APBB1IP: variants seen among roughly 807,000 people sequenced by gnomAD.
The protein encoded by APBB1IP is amyloid beta precursor protein binding family B member 1 interacting protein.
In APBB1IP, 27 loss-of-function variants were observed where a neutral mutation model predicts 64.9. The ratio of observed to expected loss-of-function variants is 0.42; its 90% CI spans 0.31 to 0.57. The LOEUF (loss-of-function observed/expected upper bound fraction) is 0.57. Among genes scored for constraint, APBB1IP ranks in the 20% least tolerant of loss-of-function variants. The probability of loss-of-function intolerance (pLI) is 0.20; values close to 1 mark genes in which losing one functional copy is unlikely to be tolerated. For missense variants in APBB1IP, 812 were observed against 845.5 expected (o/e 0.96, Z 0.49); for synonymous variants, 392 against 331.0 (o/e 1.18, Z -2.00).
chr10:26,543,167 T>A (rs1308385141), intron 11 of APBB1IP, among the ~76,000 whole-genome samples: 1 of 151,766 alleles, frequency 6.6e-6, no homozygotes. Flanking sequence ...TTCAGTCATT[T>A]AATGTTTGTT....
At chr10:26,551,031 AC>A (rs1238207772) in intron 11 of APBB1IP, among the ~76,000 whole-genome samples, 2 of 152,224 alleles carry the variant, frequency 1.3e-5, no homozygotes, top group Non-Finnish European at 2.9e-5. Flanking sequence ...CAGAGGGCCC[AC>A]TGGATGGTGT....
chr10:26,540,355 G>A (rs778637547), intron 10 of APBB1IP, among the ~76,000 whole-genome samples: 2 of 152,128 alleles, frequency 1.3e-5, no homozygotes, highest in Non-Finnish European at 2.9e-5. Flanking sequence ...AAGGCGGATC[G>A]CTTGAGCTCA....
At chr10:26,468,680 C>A (rs1426056662) in intron 2 of APBB1IP, among the ~76,000 whole-genome samples, 2 of 152,122 alleles carry the variant, frequency 1.3e-5, no homozygotes. Context: ...TTTGCACCAA[C>A]CTAATATAAC....
chr10:26,508,108 G>A (rs560235319), intron 6 of APBB1IP, among the ~76,000 whole-genome samples: 1 of 152,322 alleles, frequency 6.6e-6, no homozygotes, highest in East Asian at 1.9e-4. Context: ...AGAATATTAA[G>A]AAAATAACAG....
At chr10:26,566,570 A>C (rs1010919649) in intron 14 of APBB1IP, among the ~76,000 whole-genome samples, 2 of 152,350 alleles carry the variant, frequency 1.3e-5, no homozygotes, top group South Asian at 4.1e-4. Flanking sequence ...TTAAAAAATT[A>C]GAAAAATGAT....
intron 4 of APBB1IP, among the ~76,000 whole-genome samples, chr10:26,499,824 C>CAAGA (rs1836074142): frequency 6.6e-6 from 1 of 152,154 alleles, no homozygotes; most frequent in African/African-American, 2.4e-5. Context: ...AAGTTAACTC[C>CAAGA]CAGCTTACTG....
At chr10:26,540,902 A>C in intron 10 of APBB1IP, among the ~76,000 whole-genome samples, 1 of 151,484 alleles carries the variant, frequency 6.6e-6, no homozygotes, top group Non-Finnish European at 1.5e-5. Flanking sequence ...ACTGAGCATA[A>C]GTTTATCTCT....
In APBB1IP at chr10:26,534,344, C is replaced by T. The variant is rs1435311618; in HGVS notation, c.900+819C>T. Among the ~76,000 whole-genome samples the T allele has an allele frequency of 2.7e-5, 4 of 146,272 alleles. No individual in the cohort carries two copies. In the East Asian group the frequency reaches 8.1e-4, roughly 30 times the overall value. Reference sequence around the variant, plus strand: ...TCGAGGATCTGTTCGCAGCACATAACGCAGTTGAAATGAGTGCCAGATCTC... The same window carrying T: ...TCGAGGATCTGTTCGCAGCACATAATGCAGTTGAAATGAGTGCCAGATCTC... On this transcript the variant is annotated intron_variant, in intron 9 of 14. Coordinates refer to ENST00000376236, the MANE Select transcript of APBB1IP (RefSeq NM_019043.4).
chr10:26,513,756 G>A (rs1215120726), intron 8 of APBB1IP, 96 bp downstream of exon 8: 11 of 1,421,636 alleles, frequency 7.7e-6, no homozygotes, highest in Middle Eastern at 2.0e-4. Flanking sequence ...GGGTCTGAAA[G>A]GCTGGAGACG....
chr10:26,451,603 C>G (rs1835466658), intron 2 of APBB1IP, among the ~76,000 whole-genome samples: 1 of 152,174 alleles, frequency 6.6e-6, no homozygotes, highest in Non-Finnish European at 1.5e-5. Context: ...TTTTTCTTCT[C>G]TTATCTTGTA....
chr10:26,514,463 T>A lies in APBB1IP; in HGVS notation c.813+803T>A, dbSNP rs182371612. Among the ~76,000 whole-genome samples the A allele has an allele frequency of 4.4e-3, 675 of 152,360 alleles. 20 individuals carry two copies. Among genetic ancestry groups the A allele is most frequent in the Non-Finnish European group, 9.6e-4 (65 of 68,036 alleles). ...GCAAGTAAAAAGCATAAATTTATATTTGTTCTTCTTTTCATACTTGTTCAT... is the reference window on the plus strand; with the variant it reads ...GCAAGTAAAAAGCATAAATTTATATATGTTCTTCTTTTCATACTTGTTCAT... On this transcript the variant is annotated intron_variant, in intron 8 of 14. Coordinates refer to ENST00000376236, the MANE Select transcript of APBB1IP (RefSeq NM_019043.4).
chr10:26,460,539 T>C (rs567949526), intron 2 of APBB1IP, among the ~76,000 whole-genome samples: 1 of 152,140 alleles, frequency 6.6e-6, no homozygotes, highest in Non-Finnish European at 1.5e-5. Flanking sequence ...AGCAAAGACA[T>C]GGAATCAGCC....
At chr10:26,461,150 C>T (rs145530715) in intron 2 of APBB1IP, among the ~76,000 whole-genome samples, 129 of 146,586 alleles carry the variant, frequency 8.8e-4, no homozygotes, top group African/African-American at 3.1e-3. Flanking sequence ...TATTATAAAA[C>T]GAAGGAAGAG....
rs761480645 is a variant in APBB1IP at position 26,529,764 on chromosome 10, C to T, written c.814-3675C>T. 6.0e-4 allele frequency among the ~76,000 whole-genome samples: 92 copies of T among 152,228 alleles called. No individual in the cohort carries two copies. The Middle Eastern group carries it at 0.014, about 23-fold the overall frequency. ...CAAGTGATTCTTCTGCCTCAGCCTC[C>T]CTAGTAGCTGGGATTACAGGCGCCC... On this transcript the variant is annotated intron_variant, in intron 8 of 14. Coordinates refer to ENST00000376236, the MANE Select transcript of APBB1IP (RefSeq NM_019043.4).
intron 6 of APBB1IP, among the ~76,000 whole-genome samples, chr10:26,503,876 G>A (rs1836137458): frequency 6.6e-6 from 1 of 152,190 alleles, no homozygotes; most frequent in African/African-American, 2.4e-5. Context: ...GAGCTGGAAT[G>A]ATGGGAGTAG....
At chr10:26,544,132 G>T (rs1836732017) in intron 11 of APBB1IP, among the ~76,000 whole-genome samples, 1 of 152,144 alleles carries the variant, frequency 6.6e-6, no homozygotes, top group African/African-American at 2.4e-5. Flanking sequence ...CCAGAGATCT[G>T]GACACAAAGC....
chr10:26,533,514 T>C lies in APBB1IP; in HGVS notation c.889T>C (p.Ser297Pro). The C allele has an allele frequency of 6.2e-7, 1 of 1,602,006 alleles. No individual in the cohort carries two copies. The highest frequency in any genetic ancestry group is 1.1e-5 in the South Asian group (1 of 88,420). ...NEKMNAKNKE[S>P]LLEESFCGTS... ...GAAAATGAATGCTAAGAACAAGGAA[T>C]CCTTACTTGAGGTAAGGTTAATTTT... The change falls in exon 9 of 15, where the codon TCC (serine) becomes CCC (proline). Residue 297 changes from serine to proline, a missense_variant. Physicochemically the swap from Ser to Pro is moderately conservative, Grantham distance 74 (BLOSUM62 -1). Transcript: ENST00000376236.
chr10:26,471,725 G>GC (rs1371989834), intron 2 of APBB1IP, among the ~76,000 whole-genome samples: 1 of 151,684 alleles, frequency 6.6e-6, no homozygotes, highest in Non-Finnish European at 1.5e-5. Flanking sequence ...TTGCTCTGTC[G>GC]CCAGGCTGGA....
intron 12 of APBB1IP, 121 bp downstream of exon 12, chr10:26,560,324 T>C: frequency 1.2e-6 from 1 of 864,308 alleles, no homozygotes; most frequent in Non-Finnish European, 1.9e-6. Flanking sequence ...ACAGACATTA[T>C]CAGGTTTATT....
Sources: gnomAD v4.1 joint callset for allele counts (sites outside exome capture counted in the v4.1 genomes callset) on GRCh38, gnomAD v4.1.1 for gene constraint, MANE v1.5 for transcripts, NCBI Gene and HGNC (gene_info 2026-07-23, HGNC 2026-07-21) for gene names.